The following RALGAPA2 variants were observed in gnomAD, a reference collection of about 807,000 sequenced individuals.
The protein encoded by RALGAPA2 is ral GTPase-activating protein subunit alpha-2.
RALGAPA2 carries 139 observed loss-of-function variants against 230.4 expected under a neutral mutation model. The ratio of observed to expected loss-of-function variants is 0.60; its 90% CI spans 0.53 to 0.69. RALGAPA2 has a LOEUF of 0.69. Among genes scored for constraint, RALGAPA2 ranks in the 30% least tolerant of loss-of-function variants. The pLI is 0.00. For synonymous variants in RALGAPA2, 847 were observed against 837.8 expected (o/e 1.01, Z -0.19); for missense variants, 2,163 against 2,276.0 (o/e 0.95, Z 1.01).
intron 1 of RALGAPA2, among the ~76,000 whole-genome samples, chr20:20,696,995 C>T (rs1270802131): frequency 6.6e-6 from 1 of 152,136 alleles, no homozygotes; most frequent in Non-Finnish European, 1.5e-5. Context: ...CTGGGCCTCA[C>T]AAAGTACTAG....
intron 23 of RALGAPA2, among the ~76,000 whole-genome samples, chr20:20,558,935 T>C (rs986638909): frequency 1.8e-4 from 28 of 151,816 alleles, no homozygotes; most frequent in African/African-American, 6.5e-4. Flanking sequence ...TGGGTGAAAA[T>C]GAGTCTGCTT....
chr20:20,660,229 G>GAAA (rs1169773178), intron 3 of RALGAPA2, among the ~76,000 whole-genome samples: 1 of 123,046 alleles, frequency 8.1e-6, no homozygotes, highest in Non-Finnish European at 1.7e-5. Flanking sequence ...CTCTGTCTTG[G>GAAA]AAAAAAAAAA....
At chr20:20,588,415 T>A (rs2065193231) in intron 18 of RALGAPA2, among the ~76,000 whole-genome samples, 1 of 152,150 alleles carries the variant, frequency 6.6e-6, no homozygotes. Flanking sequence ...AACATCCTGT[T>A]TAGAGATACA....
chr20:20,586,576 T>G (rs910978489), intron 18 of RALGAPA2, among the ~76,000 whole-genome samples: 28 of 152,272 alleles, frequency 1.8e-4, no homozygotes, highest in African/African-American at 6.3e-4. Context: ...GAATTGCAAT[T>G]TGTAAACATT....
At chr20:20,703,081 G>T (rs2069454522) in intron 1 of RALGAPA2, among the ~76,000 whole-genome samples, 1 of 152,000 alleles carries the variant, frequency 6.6e-6, no homozygotes, top group Non-Finnish European at 1.5e-5. Context: ...GCTGAGGCAT[G>T]AGAATCACTT....
At chr20:20,452,235 A>C (rs185582975) in intron 37 of RALGAPA2, among the ~76,000 whole-genome samples, 1 of 152,248 alleles carries the variant, frequency 6.6e-6, no homozygotes, top group African/African-American at 2.4e-5. Context: ...CGTTTCATAC[A>C]CTTTCAGTAA....
intron 23 of RALGAPA2, among the ~76,000 whole-genome samples, chr20:20,570,977 A>C (rs1387984854): frequency 1.3e-5 from 2 of 152,180 alleles, no homozygotes; most frequent in Non-Finnish European, 2.9e-5. Context: ...ACCAAACTTA[A>C]ATTGCATTGG....
chr20:20,603,715 G>A (rs1163922802), intron 15 of RALGAPA2, among the ~76,000 whole-genome samples: 1 of 152,196 alleles, frequency 6.6e-6, no homozygotes, highest in Non-Finnish European at 1.5e-5. Context: ...TGCAAACACA[G>A]AAGCAAAGAC....
intron 31 of RALGAPA2, among the ~76,000 whole-genome samples, chr20:20,515,806 G>A (rs977597654): frequency 6.6e-6 from 1 of 150,536 alleles, no homozygotes; most frequent in Non-Finnish European, 1.5e-5. Flanking sequence ...ATATAATCTC[G>A]AGCAGGGATA....
At chr20:20,408,915 G>A (rs1316370437) in intron 38 of RALGAPA2, among the ~76,000 whole-genome samples, 1 of 152,172 alleles carries the variant, frequency 6.6e-6, no homozygotes, top group Non-Finnish European at 1.5e-5. Flanking sequence ...TACATGTCAG[G>A]TGTTATCAAT....
rs779719267 is a variant in RALGAPA2 at position 20,524,818 on chromosome 20, T to C, written c.3762+12A>G. 2 of 1,573,820 alleles carry C rather than the reference T, an allele frequency of 1.3e-6. No homozygotes were observed. The highest frequency in any genetic ancestry group is 8.6e-7 in the Non-Finnish European group (1 of 1,164,850). On this transcript the variant is annotated intron_variant, in intron 29 of 39. Transcript: ENST00000202677. Reference sequence around the variant, plus strand: ...AAAACTATAGGAAAAACTTAGTTAATGTGCCACCTACCTTCTTGTCTGTTT... The same window carrying C: ...AAAACTATAGGAAAAACTTAGTTAACGTGCCACCTACCTTCTTGTCTGTTT...
intron 37 of RALGAPA2, among the ~76,000 whole-genome samples, chr20:20,448,432 G>T (rs1057171774): frequency 9.9e-5 from 15 of 152,162 alleles, no homozygotes; most frequent in Non-Finnish European, 1.8e-4. Context: ...TATGCTATCT[G>T]CCATATAATA....
At chr20:20,460,017 TC>T (rs2061264782) in intron 37 of RALGAPA2, among the ~76,000 whole-genome samples, 1 of 152,336 alleles carries the variant, frequency 6.6e-6, no homozygotes, top group East Asian at 1.9e-4. Context: ...CTGAGGCCAC[TC>T]ACCTCTGCCT....
intron 37 of RALGAPA2, among the ~76,000 whole-genome samples, chr20:20,430,192 G>A (rs540557723): frequency 5.9e-5 from 9 of 152,368 alleles, no homozygotes; most frequent in African/African-American, 2.2e-4. Flanking sequence ...AGCAGCAGCT[G>A]CTGGACCTAG....
At chr20:20,583,503 C>A (rs6046945) in intron 19 of RALGAPA2, among the ~76,000 whole-genome samples, 4,198 of 152,196 alleles carry the variant, frequency 0.028, 220 homozygotes, top group African/African-American at 0.097. Flanking sequence ...TCACTCAGTA[C>A]CCCCTACACC....
At chr20:20,688,927 C>T (rs2068800744) in intron 1 of RALGAPA2, among the ~76,000 whole-genome samples, 1 of 152,154 alleles carries the variant, frequency 6.6e-6, no homozygotes. Context: ...TGATAAATTA[C>T]TAAAAGTAAC....
chr20:20,526,357 G>A lies in RALGAPA2; in HGVS notation c.3588C>T (p.Pro1196=). 1 of 1,588,014 alleles carries A rather than the reference G, an allele frequency of 6.3e-7. No individual in the cohort carries two copies. The highest frequency in any genetic ancestry group is 8.6e-7 in the Non-Finnish European group (1 of 1,168,926). Residue 1196 remains proline (P), a synonymous_variant, in exon 28 of 40, where the codon CCC becomes CCT. Transcript: ENST00000202677. ...INVIGVTLKF[P]NKIVAQVACD... is the part of the protein sequence containing the mutation. ...AAGCTACCTGGGCCACGATTTTGTT[G>A]GGAAACTATAAAAGGAAACCGAATC...
intron 1 of RALGAPA2, 32 bp from the exon 2 acceptor site, chr20:20,680,833 T>G: frequency 6.5e-7 from 1 of 1,528,684 alleles, no homozygotes; most frequent in African/African-American, 1.4e-5. Flanking sequence ...TTATGACAAT[T>G]CACTTTATAA....
chr20:20,432,772 T>G (rs150414724), intron 37 of RALGAPA2, among the ~76,000 whole-genome samples: 90 of 152,300 alleles, frequency 5.9e-4, no homozygotes, highest in African/African-American at 1.9e-3. Context: ...ATAGCCTCAT[T>G]TCTGAATATT....
Sources: gnomAD v4.1 joint callset for allele counts (sites outside exome capture counted in the v4.1 genomes callset) on GRCh38, gnomAD v4.1.1 for gene constraint, MANE v1.5 for transcripts, NCBI Gene and HGNC (gene_info 2026-07-23, HGNC 2026-07-21) for gene names.